The following DLG2 variants were observed in gnomAD, a reference collection of about 807,000 sequenced individuals.
The protein encoded by DLG2 is discs large MAGUK scaffold protein 2.
A neutral mutation model predicts 132.5 loss-of-function variants in DLG2; 45 were observed. The observed-to-expected ratio is 0.34, with a 90% CI of 0.27 to 0.44. The LOEUF (loss-of-function observed/expected upper bound fraction) is 0.44, where lower values mean the gene tolerates loss of function less well. Among genes scored for constraint, DLG2 ranks in the 20% least tolerant of loss-of-function variants. The pLI is 1.00. For synonymous variants in DLG2, 424 were observed against 419.6 expected, an observed-to-expected ratio of 1.01 and a Z score of -0.13; for missense variants, 1,045 against 1,196.9, an observed-to-expected ratio of 0.87 and a Z score of 1.87.
At chr11:85,279,278 T>C (rs2078086923) in intron 4 of DLG2, among the ~76,000 whole-genome samples, 1 of 151,978 alleles carries the variant, frequency 6.6e-6, no homozygotes, top group Non-Finnish European at 1.5e-5. Flanking sequence ...TGTGCAAAGG[T>C]AGGTGGCAGC....
intron 11 of DLG2, among the ~76,000 whole-genome samples, chr11:84,039,441 T>C (rs1194647810): frequency 3.2e-5 from 4 of 126,518 alleles, no homozygotes; most frequent in Admixed American, 2.6e-4. Context: ...CATTGTTCAA[T>C]TCCCACCTAT....
At chr11:84,919,734 C>T (rs901494140) in intron 6 of DLG2, among the ~76,000 whole-genome samples, 4 of 152,112 alleles carry the variant, frequency 2.6e-5, no homozygotes, top group Admixed American at 1.3e-4. Flanking sequence ...AGAAAATTAT[C>T]GTCAGTATCA....
At chr11:85,187,272 A>G (rs1453339161) in intron 4 of DLG2, among the ~76,000 whole-genome samples, 2 of 152,162 alleles carry the variant, frequency 1.3e-5, no homozygotes, top group Non-Finnish European at 2.9e-5. Flanking sequence ...GGGAATGAGA[A>G]TATGGTGATT....
chr11:83,656,279 G>A (rs937122524), intron 18 of DLG2, among the ~76,000 whole-genome samples: 2 of 152,134 alleles, frequency 1.3e-5, no homozygotes, highest in African/African-American at 4.8e-5. Context: ...GTGACTACAG[G>A]GTACTATGAT....
chr11:85,397,508 A>G (rs1481973562), intron 3 of DLG2, among the ~76,000 whole-genome samples: 1 of 152,224 alleles, frequency 6.6e-6, no homozygotes. Flanking sequence ...ATCAAGCACC[A>G]TTGGTATGCT....
chr11:83,476,661 G>A (rs528612564), intron 22 of DLG2, among the ~76,000 whole-genome samples: 1 of 152,212 alleles, frequency 6.6e-6, no homozygotes, highest in South Asian at 2.1e-4. Context: ...ATGGTTGAAA[G>A]TTACTAGGTA....
intron 19 of DLG2, among the ~76,000 whole-genome samples, chr11:83,548,224 G>T (rs1367984): frequency 0.66 from 99,997 of 151,934 alleles, 33,428 homozygotes; most frequent in Middle Eastern, 0.75. Flanking sequence ...GTTCACGCCT[G>T]AATCTCTAGA....
At chr11:84,063,667 T>A (rs2096626431) in intron 10 of DLG2, among the ~76,000 whole-genome samples, 1 of 152,160 alleles carries the variant, frequency 6.6e-6, no homozygotes, top group South Asian at 2.1e-4. Flanking sequence ...TGCACACGTA[T>A]GTTTATTGCG....
At chr11:85,202,693 T>A (rs1025616772) in intron 4 of DLG2, among the ~76,000 whole-genome samples, 4 of 151,996 alleles carry the variant, frequency 2.6e-5, no homozygotes, top group Admixed American at 2.6e-4. Context: ...TAATATTAAG[T>A]CTCTTTTCTG....
chr11:84,044,690 T>G (rs1373624552), intron 11 of DLG2, among the ~76,000 whole-genome samples: 2 of 151,744 alleles, frequency 1.3e-5, no homozygotes, highest in African/African-American at 4.8e-5. Flanking sequence ...AGAACATTTA[T>G]TTCCACCAGA....
At chr11:85,384,470 T>G (rs562244906) in intron 3 of DLG2, among the ~76,000 whole-genome samples, 1 of 152,386 alleles carries the variant, frequency 6.6e-6, no homozygotes, top group South Asian at 2.1e-4. Context: ...TTACTTAACT[T>G]GAGCATAGGC....
intron 3 of DLG2, among the ~76,000 whole-genome samples, chr11:85,377,506 C>T (rs182383112): frequency 2.6e-3 from 396 of 152,048 alleles, no homozygotes; most frequent in Non-Finnish European, 4.5e-3. Flanking sequence ...ACTAACCAGC[C>T]CTGTTAAATA....
chr11:85,057,048 G>A lies in DLG2; in HGVS notation c.357+54613C>T, dbSNP rs537509218. ...AGGGTCAATATATGGGTAAGTCTAAGTGAATATTGGCTATGCAGTCCTTAG... is the reference window on the plus strand; with the variant it reads ...AGGGTCAATATATGGGTAAGTCTAAATGAATATTGGCTATGCAGTCCTTAG... On this transcript the variant is annotated intron_variant, in intron 6 of 27. Coordinates refer to ENST00000376104, the MANE Select transcript of DLG2 (RefSeq NM_001142699.3). Among the ~76,000 whole-genome samples the A allele has an allele frequency of 2.8e-4, 43 of 151,884 alleles. No homozygotes were observed. The East Asian group carries it at 7.5e-3, about 27-fold the overall frequency.
intron 8 of DLG2, among the ~76,000 whole-genome samples, chr11:84,227,115 AT>A (rs2097010708): frequency 6.6e-6 from 1 of 151,940 alleles, no homozygotes; most frequent in Admixed American, 6.6e-5. Context: ...ATTAATTAAA[AT>A]TTTAAAAAAG....
chr11:85,398,071 A>G (rs970264311), intron 3 of DLG2, among the ~76,000 whole-genome samples: 1 of 152,204 alleles, frequency 6.6e-6, no homozygotes, highest in Non-Finnish European at 1.5e-5. Context: ...AAATCACAAC[A>G]AACTGTCTCT....
At chr11:85,168,221 TA>T (rs1215467626) in intron 4 of DLG2, among the ~76,000 whole-genome samples, 2 of 152,110 alleles carry the variant, frequency 1.3e-5, no homozygotes, top group Non-Finnish European at 2.9e-5. Flanking sequence ...AACAAATATA[TA>T]CAAAAGTCAC....
At chr11:85,061,460 C>A (rs2064126637) in intron 6 of DLG2, among the ~76,000 whole-genome samples, 1 of 151,762 alleles carries the variant, frequency 6.6e-6, no homozygotes, top group East Asian at 1.9e-4. Flanking sequence ...TCAGTCGCTG[C>A]AACAAATGTG....
chr11:83,722,347 A>G (rs953745694), intron 18 of DLG2, among the ~76,000 whole-genome samples: 2 of 152,324 alleles, frequency 1.3e-5, no homozygotes, highest in South Asian at 4.1e-4. Flanking sequence ...TTACGGCAAC[A>G]ATTAATTCTA....
chr11:85,009,199 G>A (rs530886585), intron 6 of DLG2, among the ~76,000 whole-genome samples: 1 of 152,032 alleles, frequency 6.6e-6, no homozygotes, highest in Non-Finnish European at 1.5e-5. Context: ...GCTTGTATAA[G>A]ACCTATTAAT....
Sources: gnomAD v4.1 joint callset for allele counts (sites outside exome capture counted in the v4.1 genomes callset) on GRCh38, gnomAD v4.1.1 for gene constraint, MANE v1.5 for transcripts, NCBI Gene and HGNC (gene_info 2026-07-23, HGNC 2026-07-21) for gene names.